Variants in TSGA13 observed in about 807,000 individuals in gnomAD.
TSGA13 encodes testis-specific gene 13 protein.
TSGA13 carries 37 observed loss-of-function variants against 35.1 expected under a neutral mutation model. That is an observed-to-expected ratio of 1.05 (90% CI 0.81 to 1.39). TSGA13 has a LOEUF of 1.39. Among genes scored for constraint, TSGA13 ranks in the 40% most tolerant of loss-of-function variants. The pLI, the probability that TSGA13 is intolerant of heterozygous loss-of-function variation, is 0.00. For synonymous variants in TSGA13, 124 were observed against 121.2 expected (o/e 1.02, Z -0.15); for missense variants, 338 against 328.5 (o/e 1.03, Z -0.22).
At chr7:130,684,905 C>T (rs782627541) in intron 2 of TSGA13, among the ~76,000 whole-genome samples, 26 of 152,108 alleles carry the variant, frequency 1.7e-4, no homozygotes, top group African/African-American at 5.1e-4. Flanking sequence ...CACAGAATCC[C>T]GGATACTCTT....
chr7:130,668,828 G>T lies in TSGA13; in HGVS notation c.*186C>A. 7.8e-7 allele frequency: 1 copy of T among 1,283,714 alleles called. No individual in the cohort carries two copies. The highest frequency in any genetic ancestry group is 1.0e-6 in the Non-Finnish European group (1 of 955,916). The allele number at this position is 1,283,714 out of a possible 1,614,324, so 79.5% of individuals were successfully genotyped here. On this transcript the variant is annotated 3_prime_UTR_variant, in exon 8 of 8. Coordinates refer to ENST00000356588, the MANE Select transcript of TSGA13 (RefSeq NM_052933.4). ...GGCCCGCCCTCCCCGGCCGCCCTCGGCCCCCGGGACGCAGCCACGCCCCCT... is the reference window on the plus strand; with the variant it reads ...GGCCCGCCCTCCCCGGCCGCCCTCGTCCCCCGGGACGCAGCCACGCCCCCT...
At chr7:130,675,964 G>A (rs1012780326) in intron 5 of TSGA13, among the ~76,000 whole-genome samples, 6 of 152,220 alleles carry the variant, frequency 3.9e-5, no homozygotes, top group African/African-American at 1.2e-4. Flanking sequence ...ACACGGTCCT[G>A]TTGTACAAAA....
chr7:130,668,798 G>A lies in TSGA13; in HGVS notation c.*216C>T, dbSNP rs868908044. On this transcript the variant is annotated 3_prime_UTR_variant, in exon 8 of 8. Coordinates refer to ENST00000356588, the MANE Select transcript of TSGA13 (RefSeq NM_052933.4). ...TTGGGCCGCCGCGCCTTCACTCGGG[G>A]CCAAGGCCCGCCCTCCCCGGCCGCC... is the stretch of plus-strand genomic sequence containing the variant. 416 of 1,276,456 alleles carry A rather than the reference G, an allele frequency of 3.3e-4. No homozygotes were observed. The Middle Eastern group carries it at 6.8e-3, about 21-fold the overall frequency. The allele number at this position is 1,276,456 out of a possible 1,614,324, so 79.1% of individuals were successfully genotyped here.
chr7:130,683,694 C>T (rs781877445), intron 2 of TSGA13, 22 bp from the exon 3 acceptor site: 19 of 1,611,044 alleles, frequency 1.2e-5, no homozygotes, highest in South Asian at 3.3e-5. Flanking sequence ...GCAGAACATC[C>T]GGTTGCACTT....
chr7:130,683,695 G>T, intron 2 of TSGA13, 23 bp from the exon 3 acceptor site: 1 of 1,610,910 alleles, frequency 6.2e-7, no homozygotes, highest in Non-Finnish European at 8.5e-7. Context: ...CAGAACATCC[G>T]GTTGCACTTT....
At chr7:130,671,059 A>G (rs1325037162) in intron 7 of TSGA13, among the ~76,000 whole-genome samples, 1 of 151,964 alleles carries the variant, frequency 6.6e-6, no homozygotes, top group Non-Finnish European at 1.5e-5. Flanking sequence ...TTCTCATTGT[A>G]CCCTCTGCCA....
chr7:130,674,181 T>G (rs1361576354), intron 5 of TSGA13, among the ~76,000 whole-genome samples: 7 of 136,120 alleles, frequency 5.1e-5, no homozygotes, highest in African/African-American at 1.9e-4. Flanking sequence ...TTTTTTTTTT[T>G]TTTTTTTTGA....
chr7:130,669,277 G>A, intron 7 of TSGA13, 94 bp from the exon 8 acceptor site: 2 of 1,494,694 alleles, frequency 1.3e-6, no homozygotes, highest in Middle Eastern at 1.8e-4. Context: ...CACTTGGAGG[G>A]ACCAGAGGCT....
upstream of TSGA13, chr7:130,686,744 T>C (rs1554465811): frequency 8.3e-6 from 1 of 121,092 alleles, no homozygotes; most frequent in Non-Finnish European, 1.9e-5. Context: ...ACACACATCT[T>C]CACCATCTCT....
Position 130,668,812 on chromosome 7 carries a change from T to C in TSGA13, c.*202A>G. ...CTTCACTCGGGGCCAAGGCCCGCCC[T>C]CCCCGGCCGCCCTCGGCCCCCGGGA... On this transcript the variant is annotated 3_prime_UTR_variant, in exon 8 of 8. Coordinates refer to ENST00000356588, the MANE Select transcript of TSGA13 (RefSeq NM_052933.4). 1 of 1,264,784 alleles carries C rather than the reference T, an allele frequency of 7.9e-7. No homozygotes were observed. Among genetic ancestry groups the C allele is most frequent in the Non-Finnish European group, 1.1e-6 (1 of 945,486 alleles). 78.3% of individuals were successfully genotyped at this position (1,264,784 alleles called of 1,614,324 possible).
intron 5 of TSGA13, among the ~76,000 whole-genome samples, chr7:130,674,658 C>T (rs1400451534): frequency 6.6e-6 from 1 of 152,168 alleles, no homozygotes; most frequent in South Asian, 2.1e-4. Context: ...ATCCCTAGCA[C>T]CCGTAATAGT....
Position 130,669,197 on chromosome 7 carries a change from C to T in TSGA13, c.659-14G>A. On this transcript the variant is annotated splice_polypyrimidine_tract_variant and intron_variant, in intron 7 of 7. Coordinates refer to ENST00000356588, the MANE Select transcript of TSGA13 (RefSeq NM_052933.4). ...ACTTCTTGGAAGCTACGACAAAGCA[C>T]AGGCACCCTGGTGAATGTGGCTTTT... is the stretch of plus-strand genomic sequence containing the variant. 3 of 1,614,128 alleles carry T rather than the reference C, an allele frequency of 1.9e-6. No homozygotes were observed. Among genetic ancestry groups the T allele is most frequent in the Non-Finnish European group, 2.5e-6 (3 of 1,179,996 alleles).
At chr7:130,682,812 C>G (rs1796578880) in intron 3 of TSGA13, among the ~76,000 whole-genome samples, 1 of 152,136 alleles carries the variant, frequency 6.6e-6, no homozygotes, top group African/African-American at 2.4e-5. Context: ...AGCCACTCCA[C>G]AAATTCCTTT....
chr7:130,673,402 G>C (rs1246655676), intron 5 of TSGA13, among the ~76,000 whole-genome samples: 1 of 151,994 alleles, frequency 6.6e-6, no homozygotes, highest in Non-Finnish European at 1.5e-5. Flanking sequence ...CAGTCTGTTT[G>C]TCTGTCCCTC....
In TSGA13 at chr7:130,668,683, C is replaced by T. The variant is rs547206164; in HGVS notation, c.*331G>A. On this transcript the variant is annotated 3_prime_UTR_variant, in exon 8 of 8. Transcript: ENST00000356588. ...TTTTTAATCATCTTGGACGACTTCCCAGCGCCCAGACCCACCGCAACCGTC... is the reference window on the plus strand; with the variant it reads ...TTTTTAATCATCTTGGACGACTTCCTAGCGCCCAGACCCACCGCAACCGTC... 11 of 1,533,372 alleles carry T rather than the reference C, an allele frequency of 7.2e-6. No individual in the cohort carries two copies. Among genetic ancestry groups the T allele is most frequent in the Non-Finnish European group, 8.8e-6 (10 of 1,141,548 alleles). 95.0% of individuals were successfully genotyped at this position (1,533,372 alleles called of 1,614,324 possible).
At chr7:130,673,769 G>A (rs1554463728) in intron 5 of TSGA13, among the ~76,000 whole-genome samples, 1 of 152,066 alleles carries the variant, frequency 6.6e-6, no homozygotes, top group Non-Finnish European at 1.5e-5. Flanking sequence ...TGTAGTAACT[G>A]CATGGCATAT....
In TSGA13 at chr7:130,671,799, A is replaced by G. The variant is rs200734537; in HGVS notation, c.531-11T>C. Reference sequence around the variant, plus strand: ...TTGTCAGTGGAAAACCTTAACAAAGAAAGTTCTTTGTTTAGTAGATCCTAG... The same window carrying G: ...TTGTCAGTGGAAAACCTTAACAAAGGAAGTTCTTTGTTTAGTAGATCCTAG... On this transcript the variant is annotated splice_polypyrimidine_tract_variant and intron_variant, in intron 6 of 7. Transcript: ENST00000356588. 1.3e-4 allele frequency: 198 copies of G among 1,569,454 alleles called. 2 individuals are homozygous for G. The highest frequency in any genetic ancestry group is 1.2e-3 in the African/African-American group (88 of 73,618).
chr7:130,678,730 G>A (rs1796469501), intron 5 of TSGA13, among the ~76,000 whole-genome samples: 1 of 152,010 alleles, frequency 6.6e-6, no homozygotes, highest in Admixed American at 6.6e-5. Context: ...GGAATAAGAA[G>A]GAAGAGATAG....
At chr7:130,669,256 T>C in intron 7 of TSGA13, 73 bp from the exon 8 acceptor site, 1 of 1,592,062 alleles carries the variant, frequency 6.3e-7, no homozygotes, top group African/African-American at 1.3e-5. Context: ...ATGTGAGATG[T>C]AAAGGAGACG....
Sources: allele counts gnomAD v4.1 joint callset (sites outside exome capture counted in the v4.1 genomes callset), GRCh38; gene constraint gnomAD v4.1.1; transcripts MANE v1.5; gene names NCBI Gene and HGNC (gene_info 2026-07-23, HGNC 2026-07-21).